ANKRD11: variants seen among roughly 807,000 people sequenced by gnomAD.
The protein encoded by ANKRD11 is ankyrin repeat domain 11, also known as ankyrin repeat domain-containing protein 11.
Under a neutral mutation model 195.7 loss-of-function variants are expected in ANKRD11, and 17 were observed. The ratio of observed to expected loss-of-function variants is 0.09; its 90% CI spans 0.06 to 0.13. The LOEUF (loss-of-function observed/expected upper bound fraction) is 0.13. Ranked by LOEUF, ANKRD11 falls within the 10% of genes least tolerant of loss-of-function variation. ANKRD11 has a pLI of 1.00. For synonymous variants in ANKRD11, 1,953 were observed against 1,528.1 expected, an observed-to-expected ratio of 1.28 and a Z score of -6.49; for missense variants, 3,735 against 3,566.1, an observed-to-expected ratio of 1.05 and a Z score of -1.21.
At chr16:89,417,167 T>C (rs2042343759) in intron 2 of ANKRD11, among the ~76,000 whole-genome samples, 3 of 152,184 alleles carry the variant, frequency 2.0e-5, no homozygotes, top group Non-Finnish European at 4.4e-5. Context: ...AGCAGTCAGG[T>C]GTATTTTAAA....
At chr16:89,437,414 C>T (rs2043259993) in intron 1 of ANKRD11, among the ~76,000 whole-genome samples, 1 of 152,220 alleles carries the variant, frequency 6.6e-6, no homozygotes, top group African/African-American at 2.4e-5. Context: ...CCGCCTCCCA[C>T]TGACTCCTCC....
At chr16:89,304,277 C>G (rs763155506) in intron 4 of ANKRD11, among the ~76,000 whole-genome samples, 2 of 152,114 alleles carry the variant, frequency 1.3e-5, no homozygotes, top group African/African-American at 4.8e-5. Context: ...CACACGGGCA[C>G]ACAGGCATGC....
chr16:89,358,972 T>A (rs2039611382), intron 2 of ANKRD11, among the ~76,000 whole-genome samples: 2 of 152,086 alleles, frequency 1.3e-5, no homozygotes, highest in Non-Finnish European at 2.9e-5. Flanking sequence ...ACCACAGGCA[T>A]GCACCACCAC....
chr16:89,443,806 G>A (rs1404945008), intron 1 of ANKRD11, among the ~76,000 whole-genome samples: 1 of 152,378 alleles, frequency 6.6e-6, no homozygotes, highest in East Asian at 1.9e-4. Flanking sequence ...TTAAGAAACA[G>A]ATCTGCACAG....
At position 89,270,935 on chromosome 16, in the gene ANKRD11, C is replaced by A. The variant is rs1440047728; in HGVS notation, c.7714-26G>T. The A allele has an allele frequency of 2.5e-6, 4 of 1,611,960 alleles. No individual in the cohort carries two copies. The East Asian group carries it at 6.7e-5, about 27-fold the overall frequency. ...CTGTGGAAACCAAACACGGGAGTTT[C>A]ATCAGGAGCCCCAGAGACCGCTACG... is the stretch of plus-strand genomic sequence containing the variant. On this transcript the variant is annotated intron_variant, in intron 11 of 12. Transcript: ENST00000301030.
intron 2 of ANKRD11, among the ~76,000 whole-genome samples, chr16:89,413,380 C>T (rs1255378723): frequency 6.6e-6 from 1 of 152,120 alleles, no homozygotes; most frequent in Non-Finnish European, 1.5e-5. Context: ...AATCCCAGCA[C>T]TTTGGGAGGC....
At chr16:89,315,535 C>T (rs566523397) in intron 3 of ANKRD11, among the ~76,000 whole-genome samples, 12 of 152,320 alleles carry the variant, frequency 7.9e-5, no homozygotes, top group African/African-American at 2.2e-4. Context: ...TTCACACACA[C>T]GTGTGTCCCC....
intron 2 of ANKRD11, among the ~76,000 whole-genome samples, chr16:89,348,354 AC>A (rs1280907165): frequency 6.6e-6 from 1 of 152,146 alleles, no homozygotes; most frequent in African/African-American, 2.4e-5. Context: ...TCTGAGATAA[AC>A]CCCGCTTGCT....
chr16:89,416,672 G>A (rs2080412409), intron 2 of ANKRD11, among the ~76,000 whole-genome samples: 1 of 149,590 alleles, frequency 6.7e-6, no homozygotes, highest in African/African-American at 2.5e-5. Flanking sequence ...GCTCACACCT[G>A]TAATCCCAGC....
chr16:89,461,016 C>A (rs1215945639), intron 1 of ANKRD11, among the ~76,000 whole-genome samples: 1 of 87,256 alleles, frequency 1.1e-5, no homozygotes, highest in Non-Finnish European at 2.1e-5. Flanking sequence ...ACATTCATAA[C>A]AGAAGAAAGG....
At chr16:89,442,849 C>T (rs2043584801) in intron 1 of ANKRD11, among the ~76,000 whole-genome samples, 1 of 152,216 alleles carries the variant, frequency 6.6e-6, no homozygotes, top group Non-Finnish European at 1.5e-5. Flanking sequence ...CCCCTTACAG[C>T]ACAAGCCGGC....
intron 2 of ANKRD11, among the ~76,000 whole-genome samples, chr16:89,359,663 C>T (rs1035398151): frequency 6.6e-6 from 1 of 152,320 alleles, no homozygotes; most frequent in Non-Finnish European, 1.5e-5. Context: ...GGCTGTTCAC[C>T]TCTCTGCCTC....
intron 9 of ANKRD11, among the ~76,000 whole-genome samples, chr16:89,275,446 G>A (rs1237678887): frequency 6.6e-6 from 1 of 152,224 alleles, no homozygotes; most frequent in African/African-American, 2.4e-5. Flanking sequence ...GGAGAGGCGC[G>A]GGACAGTATC....
At chr16:89,305,474 G>A in intron 3 of ANKRD11, 130 bp from the exon 4 acceptor site, 1 of 1,331,604 alleles carries the variant, frequency 7.5e-7, no homozygotes, top group Non-Finnish European at 1.0e-6. Context: ...GCACCCCAGG[G>A]CGTGGCTGTG....
At chr16:89,371,056 G>A (rs1487200437) in intron 2 of ANKRD11, among the ~76,000 whole-genome samples, 1 of 152,148 alleles carries the variant, frequency 6.6e-6, no homozygotes, top group Non-Finnish European at 1.5e-5. Flanking sequence ...CATGACGAAG[G>A]GGACTTGTTC....
intron 2 of ANKRD11, among the ~76,000 whole-genome samples, chr16:89,384,879 C>CTTTTGTTTTTTTTTTTTTTT (rs2040833414): frequency 2.0e-5 from 1 of 49,910 alleles, no homozygotes; most frequent in Non-Finnish European, 3.5e-5. Flanking sequence ...AAATAGTTTT[C>CTTTTGTTTTTTTTTTTTTTT]TTTTTTTTTT....
chr16:89,415,529 G>A (rs1199748492), intron 2 of ANKRD11, among the ~76,000 whole-genome samples: 1 of 151,772 alleles, frequency 6.6e-6, no homozygotes, highest in African/African-American at 2.4e-5. Context: ...CTCCCAAAGT[G>A]CTGGGATTAC....
chr16:89,296,211 T>TA (rs2035428134), intron 4 of ANKRD11, among the ~76,000 whole-genome samples: 2 of 152,000 alleles, frequency 1.3e-5, no homozygotes, highest in African/African-American at 4.8e-5. Context: ...TTTAAATGTG[T>TA]AATTACTGCT....
intron 1 of ANKRD11, among the ~76,000 whole-genome samples, chr16:89,446,796 C>G (rs1235008000): frequency 6.6e-6 from 1 of 152,104 alleles, no homozygotes. Context: ...CACACACAGC[C>G]TCCCACTCAA....
Sources: allele counts gnomAD v4.1 joint callset (sites outside exome capture counted in the v4.1 genomes callset), GRCh38; gene constraint gnomAD v4.1.1; transcripts MANE v1.5; gene names NCBI Gene and HGNC (gene_info 2026-07-23, HGNC 2026-07-21).